Variants in LTBR observed in about 807,000 individuals in gnomAD.
LTBR encodes tumor necrosis factor receptor superfamily member 3.
A neutral mutation model predicts 45.4 loss-of-function variants in LTBR; 15 were observed. The ratio of observed to expected loss-of-function variants is 0.33; its 90% CI spans 0.22 to 0.51. The LOEUF (loss-of-function observed/expected upper bound fraction) is 0.51. Among genes scored for constraint, LTBR ranks in the 20% least tolerant of loss-of-function variants. The probability of loss-of-function intolerance (pLI) is 0.97; values close to 1 mark genes in which losing one functional copy is unlikely to be tolerated. For missense variants in LTBR, 450 were observed against 565.5 expected (o/e 0.80, Z 2.07); for synonymous variants, 228 against 231.0 (o/e 0.99, Z 0.12).
chr12:6,389,802 C>CAAA (rs71067110), intron 8 of LTBR: 24 of 104,282 alleles, frequency 2.3e-4, no homozygotes, highest in South Asian at 1.1e-3. Context: ...GACTCTGTCT[C>CAAA]AAAAAAAAAA....
At chr12:6,377,523 C>T (rs1266743334) in intron 1 of LTBR, 1 of 723,250 alleles carries the variant, frequency 1.4e-6, no homozygotes, top group African/African-American at 1.8e-5. Flanking sequence ...TCCCTCACTC[C>T]CACACAGAGC....
Position 6,390,244 on chromosome 12 carries a change from C to G in LTBR, c.934C>G (p.Pro312Ala), listed in dbSNP as rs765840282. The G allele has an allele frequency of 6.2e-6, 10 of 1,613,936 alleles. No individual in the cohort carries two copies. The highest frequency in any genetic ancestry group is 1.6e-4 in the Middle Eastern group (1 of 6,084). ...AGTATCCACTGGGCTCCCCGCAGCC[C>G]CAGTTTTGGAGGCAGGGGTGCCGCA... ...SPVSTGLPAAPVLEAGVPQQQ... is the reference protein window; with the variant it reads ...SPVSTGLPAAAVLEAGVPQQQ... Residue 312 changes from proline to alanine, a missense_variant, in exon 9 of 10, where the codon CCA (proline) becomes GCA (alanine). By Grantham distance (27) the Pro-to-Ala change is conservative. Transcript: ENST00000228918.
At chr12:6,383,966 A>G, upstream of LTBR, 1 of 1,052,110 alleles carries the variant, frequency 9.5e-7, no homozygotes, top group Non-Finnish European at 1.2e-6. Context: ...GGCTGTCCGC[A>G]GTCCGCTCTC....
intron 1 of LTBR, chr12:6,376,221 T>C (rs559199389): frequency 9.2e-5 from 90 of 982,186 alleles, no homozygotes; most frequent in African/African-American, 8.2e-4. Flanking sequence ...TGCCTCCTCC[T>C]GGTCCCTCCT....
At position 6,384,386 on chromosome 12, in the gene LTBR, C is replaced by G; in HGVS notation, c.28C>G (p.Pro10Ala). The change falls in exon 1 of 10, where the codon CCC (proline) becomes GCC (alanine). Residue 10 changes from proline to alanine, a missense_variant. This residue lies in a region of LTBR where 367 missense variants were observed against 435.4 expected (regional missense o/e 0.84). Transcript: ENST00000228918. MLLPWATSAPGLAWGPLVLG... is the reference protein window; with the variant it reads MLLPWATSAAGLAWGPLVLG... ...GCTCCTGCCTTGGGCCACCTCTGCCCCCGGCCTGGCCTGGGGGCCTCTGGT... is the reference window on the plus strand; with the variant it reads ...GCTCCTGCCTTGGGCCACCTCTGCCGCCGGCCTGGCCTGGGGGCCTCTGGT... The G allele has an allele frequency of 6.5e-7, 1 of 1,537,064 alleles. No individual in the cohort carries two copies. The highest frequency in any genetic ancestry group is 1.2e-5 in the South Asian group (1 of 83,982).
At chr12:6,383,010 C>T (rs1423699658), upstream of LTBR, among the ~76,000 whole-genome samples, 8 of 152,176 alleles carry the variant, frequency 5.3e-5, no homozygotes, top group African/African-American at 1.7e-4. Context: ...ACCTATTGGG[C>T]ACATGGTATG....
At chr12:6,375,544 G>T in exon 1 of LTBR, 4 of 1,534,864 alleles carry the variant, frequency 2.6e-6, no homozygotes, top group Non-Finnish European at 2.6e-6. Flanking sequence ...CCCGCCCGCT[G>T]GCCGGCCAGG....
upstream of LTBR, among the ~76,000 whole-genome samples, chr12:6,383,613 G>A (rs1949004952): frequency 6.6e-6 from 1 of 152,198 alleles, no homozygotes; most frequent in Non-Finnish European, 1.5e-5. Context: ...TCTCCTAGGT[G>A]ACCTGTGCCC....
chr12:6,382,615 G>A (rs778742594), upstream of LTBR, among the ~76,000 whole-genome samples: 13 of 152,172 alleles, frequency 8.5e-5, no homozygotes, highest in Admixed American at 3.3e-4. Flanking sequence ...CCATCTGTAC[G>A]GTGAGCTGCC....
intron 1 of LTBR, chr12:6,377,249 T>A: frequency 6.5e-7 from 1 of 1,549,112 alleles, no homozygotes; most frequent in Non-Finnish European, 8.7e-7. Context: ...TTCCCTTGCT[T>A]ACCTTGATAC....
rs954005742 is a variant in LTBR, at chr12:6,384,323, C to T, written c.-36C>T. On this transcript the variant is annotated 5_prime_UTR_variant, in exon 1 of 10. Coordinates refer to ENST00000228918, the MANE Select transcript of LTBR (RefSeq NM_002342.3). ...TCGGGCCTCCTGCCTTCCTCCCAGG[C>T]CCCCACGTTGCTGGCCGCCTGGCCG... The T allele has an allele frequency of 3.4e-6, 5 of 1,457,118 alleles. No homozygotes were observed. Among genetic ancestry groups the T allele is most frequent in the African/African-American group, 1.4e-5 (1 of 70,210 alleles). The allele number at this position is 1,457,118 out of a possible 1,614,324, so 90.3% of individuals were successfully genotyped here. A position where few individuals can be genotyped will look rare whatever the true frequency, so the allele number is the denominator to read the frequency against.
Position 6,386,666 on chromosome 12 carries a change from G to A in LTBR, c.667+222G>A, listed in dbSNP as rs1015202587. The A allele has an allele frequency of 1.2e-5, 6 of 520,400 alleles. No homozygotes were observed. The highest frequency in any genetic ancestry group is 2.1e-5 in the Non-Finnish European group (6 of 292,276). 32.2% of individuals were successfully genotyped at this position (520,400 alleles called of 1,614,324 possible). A position where few individuals can be genotyped will look rare whatever the true frequency, so the allele number is the denominator to read the frequency against. The stretch of plus-strand genomic sequence containing the variant: ...AAAATTATATATACTGTAATACTAT[G>A]TCAAGGAACACATCCCACACTGAGA... On this transcript the variant is annotated intron_variant, in intron 6 of 9. Coordinates refer to ENST00000228918, the MANE Select transcript of LTBR (RefSeq NM_002342.3). This position sits in a 1 kb window ranked among gnomAD's most constrained non-coding sequence, Gnocchi z 4.1.
At position 6,390,958 on chromosome 12, in the gene LTBR, A is replaced by G. The variant is rs1337998562; in HGVS notation, c.*21A>G. The G allele has an allele frequency of 6.6e-7, 1 of 1,512,238 alleles. No individual in the cohort carries two copies. Among genetic ancestry groups the G allele is most frequent in the Admixed American group, 2.1e-5 (1 of 48,286 alleles). The allele number at this position is 1,512,238 out of a possible 1,614,324, so 93.7% of individuals were successfully genotyped here. On this transcript the variant is annotated 3_prime_UTR_variant, in exon 10 of 10. Coordinates refer to ENST00000228918, the MANE Select transcript of LTBR (RefSeq NM_002342.3). ...ACTGACTGAGTCTGAGAAAAGGCAG[A>G]AGAAGGGGGGCACAAGGGCACCTTC...
chr12:6,384,956 TAC>T, intron 2 of LTBR, 64 bp from the exon 3 acceptor site: 2 of 1,601,478 alleles, frequency 1.2e-6, no homozygotes, highest in East Asian at 4.5e-5. Flanking sequence ...AGGGTCACAC[TAC>T]AGGCAGCGGA....
Position 6,388,509 on chromosome 12 carries a change from G to A in LTBR, c.775+4G>A, listed in dbSNP as rs769149583. 7 of 1,612,486 alleles carry A rather than the reference G, an allele frequency of 4.3e-6. No individual in the cohort carries two copies. Among genetic ancestry groups the A allele is most frequent in the African/African-American group, 1.3e-5 (1 of 75,022 alleles). ...CCTTCTCTCTGCAGGAAACTGGGTAGGAAAGGGTTGGATGCAGTGGATGGT... is the reference window on the plus strand; with the variant it reads ...CCTTCTCTCTGCAGGAAACTGGGTAAGAAAGGGTTGGATGCAGTGGATGGT... On this transcript the variant is annotated splice_donor_region_variant and intron_variant, in intron 7 of 9. Coordinates refer to ENST00000228918, the MANE Select transcript of LTBR (RefSeq NM_002342.3). The surrounding 1 kb of genome is among the most constrained non-coding windows in gnomAD (Gnocchi z 4.3).
chr12:6,390,315 C>T lies in LTBR; in HGVS notation c.1005C>T (p.Pro335=), dbSNP rs374220510. 11 of 1,608,350 alleles carry T rather than the reference C, an allele frequency of 6.8e-6. No individual in the cohort carries two copies. The African/African-American group carries it at 8.1e-5, about 12-fold the overall frequency. ...TGACCAGGGAGCCGCAGTTGGAACC[C>T]GGGGAGCAGAGCCAGGTGGCCCACG... ...LDLTREPQLE[P]GEQSQVAHGT... Residue 335 remains proline (P), a synonymous_variant, in exon 9 of 10, where the codon CCC becomes CCT. Transcript: ENST00000228918.
chr12:6,388,228 A>G lies in LTBR; in HGVS notation c.668-170A>G, dbSNP rs41395649. Reference sequence around the variant, plus strand: ...CTTAGTTCCCCTTCTCTATAACCCAAGGGAAGTTTCTCTCATTCTGCCTTT... The same window carrying G: ...CTTAGTTCCCCTTCTCTATAACCCAGGGGAAGTTTCTCTCATTCTGCCTTT... On this transcript the variant is annotated intron_variant, in intron 6 of 9. Transcript: ENST00000228918. This position sits in a 1 kb window ranked among gnomAD's most constrained non-coding sequence, Gnocchi z 4.3. The G allele has an allele frequency of 1.9e-3, 1,111 of 590,658 alleles. 5 individuals carry two copies. Among genetic ancestry groups the G allele is most frequent in the African/African-American group, 0.015 (826 of 53,732 alleles). The allele number at this position is 590,658 out of a possible 1,614,324, so 36.6% of individuals were successfully genotyped here.
upstream of LTBR, among the ~76,000 whole-genome samples, chr12:6,379,805 C>T (rs919763295): frequency 6.6e-6 from 1 of 151,692 alleles, no homozygotes; most frequent in African/African-American, 2.4e-5. Context: ...AAGTGGTGCA[C>T]GCCTGTAGTC....
Position 6,388,628 on chromosome 12 carries a change from C to A in LTBR, c.775+123C>A. On this transcript the variant is annotated intron_variant, in intron 7 of 9. Coordinates refer to ENST00000228918, the MANE Select transcript of LTBR (RefSeq NM_002342.3). The surrounding 1 kb of genome is among the most constrained non-coding windows in gnomAD (Gnocchi z 4.3). ...CAATGCCTACCCCCAACATAGACAT[C>A]CTTATCTTCATCCAGCTGCTTATTC... The A allele has an allele frequency of 9.1e-7, 1 of 1,094,054 alleles. No individual in the cohort carries two copies. The highest frequency in any genetic ancestry group is 1.4e-6 in the Non-Finnish European group (1 of 723,120). 67.8% of individuals were successfully genotyped at this position (1,094,054 alleles called of 1,614,324 possible). A position where few individuals can be genotyped will look rare whatever the true frequency, so the allele number is the denominator to read the frequency against.
Sources: gnomAD v4.1 joint callset for allele counts (sites outside exome capture counted in the v4.1 genomes callset) on GRCh38, gnomAD v4.1.1 for gene constraint, gnomAD v4.1.1 regional missense constraint, Gnocchi (gnomAD v3.1) non-coding constraint, MANE v1.5 for transcripts, NCBI Gene and HGNC (gene_info 2026-07-23, HGNC 2026-07-21) for gene names.